LASP1: variants seen among roughly 807,000 people sequenced by gnomAD.
LASP1 encodes LIM and SH3 domain protein 1.
LASP1 carries 10 observed loss-of-function variants against 38.6 expected under a neutral mutation model. The observed-to-expected ratio is 0.26, with a 90% CI of 0.16 to 0.44. The LOEUF (loss-of-function observed/expected upper bound fraction) is 0.44. Ranked by LOEUF, LASP1 falls within the 20% of genes least tolerant of loss-of-function variation. The pLI is 1.00. For missense variants in LASP1, 243 were observed against 375.7 expected, an observed-to-expected ratio of 0.65 and a Z score of 2.92; for synonymous variants, 132 against 140.8, an observed-to-expected ratio of 0.94 and a Z score of 0.44.
At chr17:38,912,692 G>A (rs1189778676) in intron 4 of LASP1, among the ~76,000 whole-genome samples, 1 of 152,142 alleles carries the variant, frequency 6.6e-6, no homozygotes, top group Non-Finnish European at 1.5e-5. Context: ...GATGGGAGGT[G>A]GAGGAAGCCT....
intron 3 of LASP1, among the ~76,000 whole-genome samples, chr17:38,894,224 C>G (rs1598112162): frequency 6.6e-6 from 1 of 152,292 alleles, no homozygotes; most frequent in South Asian, 2.1e-4. Flanking sequence ...TGGGACTGAG[C>G]TGGAGGTGTC....
chr17:38,871,696 G>A (rs1004474256), intron 1 of LASP1, among the ~76,000 whole-genome samples: 1 of 152,138 alleles, frequency 6.6e-6, no homozygotes, highest in Non-Finnish European at 1.5e-5. Flanking sequence ...TGGAGGTTCT[G>A]AAAGATATTT....
chr17:38,890,380 C>A, intron 2 of LASP1, 40 bp from the exon 3 acceptor site: 1 of 1,556,278 alleles, frequency 6.4e-7, no homozygotes, highest in Non-Finnish European at 8.9e-7. Flanking sequence ...TCCTGCCCCT[C>A]CCCCAGAGTC....
chr17:38,874,718 G>A (rs1201020523), intron 1 of LASP1, among the ~76,000 whole-genome samples: 3 of 152,088 alleles, frequency 2.0e-5, no homozygotes, highest in South Asian at 4.1e-4. Flanking sequence ...GGGGACAGGC[G>A]ACCACCCTCC....
At chr17:38,890,625 A>T in intron 3 of LASP1, 121 bp downstream of exon 3, 1 of 854,642 alleles carries the variant, frequency 1.2e-6, no homozygotes, top group East Asian at 2.5e-5. Flanking sequence ...AGGTGCTGAA[A>T]TCCTAGCATT....
intron 2 of LASP1, among the ~76,000 whole-genome samples, chr17:38,889,826 C>T (rs1205464870): frequency 6.6e-6 from 1 of 152,184 alleles, no homozygotes; most frequent in Middle Eastern, 3.2e-3. Context: ...TTTTTGTCCT[C>T]AAGCTGGCCT....
intron 3 of LASP1, among the ~76,000 whole-genome samples, chr17:38,894,059 GA>G (rs1338029156): frequency 6.6e-6 from 1 of 152,114 alleles, no homozygotes. Context: ...CTCCCCTGTG[GA>G]GGAGGTAACC....
At chr17:38,888,238 G>A (rs1914202630) in intron 2 of LASP1, among the ~76,000 whole-genome samples, 4 of 152,024 alleles carry the variant, frequency 2.6e-5, no homozygotes, top group Admixed American at 1.3e-4. Context: ...GAGGGATGGA[G>A]AAGGGCTGAG....
At chr17:38,891,163 G>A (rs1417016566) in intron 3 of LASP1, among the ~76,000 whole-genome samples, 1 of 151,832 alleles carries the variant, frequency 6.6e-6, no homozygotes, top group Admixed American at 6.6e-5. Context: ...CTGGGGGTGC[G>A]AGGGCTCCTG....
chr17:38,906,197 C>G (rs1045917566), intron 4 of LASP1, among the ~76,000 whole-genome samples: 12 of 152,130 alleles, frequency 7.9e-5, no homozygotes, highest in Non-Finnish European at 1.3e-4. Flanking sequence ...CTTGGTTTCC[C>G]TATCTGTAAA....
At chr17:38,888,933 T>G (rs1372210445) in intron 2 of LASP1, among the ~76,000 whole-genome samples, 1 of 152,192 alleles carries the variant, frequency 6.6e-6, no homozygotes. Flanking sequence ...CAGCATGAAC[T>G]GAAGAAATCG....
At chr17:38,916,718 C>T (rs1335601523) in intron 6 of LASP1, 3 of 149,318 alleles carry the variant, frequency 2.0e-5, no homozygotes, top group South Asian at 2.1e-4. Context: ...AAAATTAGCT[C>T]GGCATGGTGG....
intron 2 of LASP1, among the ~76,000 whole-genome samples, chr17:38,881,989 C>T (rs1450560449): frequency 1.3e-5 from 2 of 152,232 alleles, no homozygotes; most frequent in Non-Finnish European, 2.9e-5. Context: ...GGGGAGAGAA[C>T]ATAGGCCAGA....
chr17:38,918,617 G>C lies in LASP1; in HGVS notation c.625G>C (p.Ala209Pro). ...APGGGGKRYR[A>P]VYDYSAADED... ...ACTTCCCCCACAGAAGCGGTACCGC[G>C]CGGTGTATGACTACAGCGCCGCCGA... The change falls in exon 7 of 7, where the codon GCG (alanine) becomes CCG (proline). Residue 209 changes from alanine (A) to proline (P), a missense_variant. This residue lies in a region of LASP1 where 165 missense variants were observed against 210.3 expected (regional missense o/e 0.78). Coordinates refer to ENST00000318008, the MANE Select transcript of LASP1 (RefSeq NM_006148.4). This position sits in a 1 kb window ranked among gnomAD's most constrained non-coding sequence, Gnocchi z 4.4. 6.3e-7 allele frequency: 1 copy of C among 1,599,438 alleles called. No homozygotes were observed. The highest frequency in any genetic ancestry group is 8.6e-7 in the Non-Finnish European group (1 of 1,168,946).
At chr17:38,898,261 G>A (rs1914543135) in intron 3 of LASP1, 151 bp from the exon 4 acceptor site, 1 of 580,442 alleles carries the variant, frequency 1.7e-6, no homozygotes, top group Non-Finnish European at 3.1e-6. Flanking sequence ...TTTGGCTGAG[G>A]CCTCTGCTTT....
intron 2 of LASP1, among the ~76,000 whole-genome samples, chr17:38,883,257 G>C (rs147076857): frequency 3.7e-4 from 56 of 152,216 alleles, no homozygotes; most frequent in African/African-American, 1.3e-3. Context: ...GTGTGGGCCT[G>C]TGGTCCCAGT....
chr17:38,886,777 A>G lies in LASP1; in HGVS notation c.165-3643A>G, dbSNP rs118124610. Among the ~76,000 whole-genome samples the G allele has an allele frequency of 3.7e-3, 569 of 152,198 alleles. 5 individuals are homozygous for G. Among genetic ancestry groups the G allele is most frequent in the East Asian group, 0.016 (85 of 5,172 alleles). On this transcript the variant is annotated intron_variant, in intron 2 of 6. Coordinates refer to ENST00000318008, the MANE Select transcript of LASP1 (RefSeq NM_006148.4). ...AGGCGCCCATCGGTGCAGAGGGCAC[A>G]TCTATATATTCATCGTGTGTGAGGC... is the stretch of plus-strand genomic sequence containing the variant.
chr17:38,888,256 C>G (rs1490184585), intron 2 of LASP1, among the ~76,000 whole-genome samples: 1 of 151,806 alleles, frequency 6.6e-6, no homozygotes, highest in East Asian at 1.9e-4. Context: ...GAGTTCTAGT[C>G]CTGCACCAGC....
chr17:38,919,913 G>T lies in LASP1; in HGVS notation c.*1135G>T. 1.9e-6 allele frequency: 1 copy of T among 521,712 alleles called. No homozygotes were observed. Among genetic ancestry groups the T allele is most frequent in the Non-Finnish European group, 3.7e-6 (1 of 268,734 alleles). 32.3% of individuals were successfully genotyped at this position (521,712 alleles called of 1,614,324 possible). Reference sequence around the variant, plus strand: ...GAGATGGGGCGGGGGTGTGTCTGTAGGTGTCTCTGGGCCTGTGTGTGGGTG... The same window carrying T: ...GAGATGGGGCGGGGGTGTGTCTGTATGTGTCTCTGGGCCTGTGTGTGGGTG... On this transcript the variant is annotated 3_prime_UTR_variant, in exon 7 of 7. Coordinates refer to ENST00000318008, the MANE Select transcript of LASP1 (RefSeq NM_006148.4).
Sources: allele counts gnomAD v4.1 joint callset (sites outside exome capture counted in the v4.1 genomes callset), GRCh38; gene constraint gnomAD v4.1.1; regional missense constraint gnomAD v4.1.1; non-coding constraint Gnocchi (gnomAD v3.1); transcripts MANE v1.5; gene names NCBI Gene and HGNC (gene_info 2026-07-23, HGNC 2026-07-21).